The following SMG6 variants were observed in gnomAD, a reference collection of about 807,000 sequenced individuals.
SMG6 encodes the protein SMG6 nonsense mediated mRNA decay factor, also known as telomerase-binding protein EST1A.
Under a neutral mutation model 142.2 loss-of-function variants are expected in SMG6, and 66 were observed. The ratio of observed to expected loss-of-function variants is 0.46; its 90% CI spans 0.38 to 0.57. SMG6 has a LOEUF of 0.57. SMG6 is among the 20% of genes least tolerant of loss of function. SMG6 has a pLI of 0.00. For missense variants in SMG6, 1,793 were observed against 1,832.0 expected, an observed-to-expected ratio of 0.98 and a Z score of 0.39; for synonymous variants, 779 against 702.4, an observed-to-expected ratio of 1.11 and a Z score of -1.72.
Position 2,303,733 on chromosome 17 carries a change from T to C in SMG6, c.-13A>G, listed in dbSNP as rs758548173. On this transcript the variant is annotated 5_prime_UTR_variant, in exon 1 of 19. Transcript: ENST00000263073. ...GCCCTTCCGCCATCTTCGCGGCTGC[T>C]GCTACAGCCGTAGCGGCTCCGCCAC... The C allele has an allele frequency of 3.4e-6, 5 of 1,488,180 alleles. No individual in the cohort carries two copies. The South Asian group carries it at 6.3e-5, about 19-fold the overall frequency. 92.2% of individuals were successfully genotyped at this position (1,488,180 alleles called of 1,614,324 possible). A position where few individuals can be genotyped will look rare whatever the true frequency, so the allele number is the denominator to read the frequency against.
At chr17:2,211,537 G>A (rs1252039765) in intron 10 of SMG6, among the ~76,000 whole-genome samples, 2 of 151,902 alleles carry the variant, frequency 1.3e-5, no homozygotes, top group East Asian at 1.9e-4. Context: ...GGTGGTGGGC[G>A]CCTGTAGTCT....
rs535982876 is a variant in SMG6 at position 2,141,651 on chromosome 17, A to T, written c.3357+31007T>A. Among the ~76,000 whole-genome samples, 8 of 152,174 alleles carry T rather than the reference A, an allele frequency of 5.3e-5. 1 individual carries two copies. The South Asian group carries it at 8.3e-4, about 16-fold the overall frequency. ...CAGAGGCAGGGTCTTGCTATGTTGC[A>T]TGGCTGGTCTTGAACTCCTGGGCTC... On this transcript the variant is annotated intron_variant, in intron 13 of 18. Coordinates refer to ENST00000263073, the MANE Select transcript of SMG6 (RefSeq NM_017575.5).
At chr17:2,205,426 T>C (rs942987896) in intron 10 of SMG6, among the ~76,000 whole-genome samples, 5 of 152,176 alleles carry the variant, frequency 3.3e-5, no homozygotes, top group South Asian at 2.1e-4. Context: ...TTATATTTAC[T>C]CTTTTATACC....
intron 11 of SMG6, 45 bp downstream of exon 11, chr17:2,188,354 C>T: frequency 6.5e-7 from 1 of 1,546,408 alleles, no homozygotes; most frequent in Non-Finnish European, 8.9e-7. Flanking sequence ...TGGACAAGGC[C>T]AGGCAACTGG....
intron 1 of SMG6, 145 bp downstream of exon 1, chr17:2,303,488 G>A (rs1289768142): frequency 2.3e-6 from 3 of 1,329,016 alleles, no homozygotes; most frequent in African/African-American, 1.5e-5. Context: ...GTAGGGCAGC[G>A]AGGGTCCGCC....
At chr17:2,087,541 A>G in intron 13 of SMG6, 1 of 1,027,118 alleles carries the variant, frequency 9.7e-7, no homozygotes, top group Non-Finnish European at 1.2e-6. Flanking sequence ...AGGTTGATGT[A>G]GAAGGTTCTC....
At chr17:2,262,104 T>C (rs1396425696) in intron 8 of SMG6, among the ~76,000 whole-genome samples, 3 of 152,148 alleles carry the variant, frequency 2.0e-5, no homozygotes. Flanking sequence ...TGTAAATCCA[T>C]AGCGAGTATT....
At chr17:2,257,146 C>A (rs973814795) in intron 8 of SMG6, among the ~76,000 whole-genome samples, 51 of 149,088 alleles carry the variant, frequency 3.4e-4, no homozygotes, top group African/African-American at 1.2e-3. Flanking sequence ...AGTGCAGTGG[C>A]GTGATCTCGG....
Position 2,292,924 on chromosome 17 carries a change from A to C in SMG6, c.2205T>G (p.Ile735Met), listed in dbSNP as rs796109321. 1.9e-5 allele frequency: 31 copies of C among 1,614,096 alleles called. No homozygotes were observed. Among genetic ancestry groups the C allele is most frequent in the Non-Finnish European group, 2.5e-5 (30 of 1,180,038 alleles). ...AQRCMICQGD[I>M]ARYREQASDT... ...CACTGGCTTGCTCCCGGTACCTAGC[A>C]ATATCTCCTTGGCATATCATGCATC... Residue 735 changes from isoleucine (I) to methionine (M), a missense_variant, in exon 5 of 19, where the codon ATT becomes ATG. Coordinates refer to ENST00000263073, the MANE Select transcript of SMG6 (RefSeq NM_017575.5).
At chr17:2,278,862 T>C (rs1032848346) in intron 8 of SMG6, among the ~76,000 whole-genome samples, 1 of 152,084 alleles carries the variant, frequency 6.6e-6, no homozygotes, top group Non-Finnish European at 1.5e-5. Context: ...CAGCCAAACT[T>C]CAAAATATTT....
At chr17:2,108,797 A>C (rs1040885637) in intron 13 of SMG6, among the ~76,000 whole-genome samples, 1 of 152,076 alleles carries the variant, frequency 6.6e-6, no homozygotes, top group African/African-American at 2.4e-5. Context: ...TAAAAAAATT[A>C]GTCGCGCATG....
intron 13 of SMG6, among the ~76,000 whole-genome samples, chr17:2,109,656 T>C (rs1221335897): frequency 6.6e-6 from 1 of 152,218 alleles, no homozygotes; most frequent in Non-Finnish European, 1.5e-5. Context: ...TACTCTACTT[T>C]TGAAGAACAC....
At chr17:2,243,001 G>C (rs576908127) in intron 9 of SMG6, among the ~76,000 whole-genome samples, 1 of 152,298 alleles carries the variant, frequency 6.6e-6, no homozygotes, top group South Asian at 2.1e-4. Flanking sequence ...ACACAACAGT[G>C]AGGCAAAAAC....
chr17:2,087,016 T>C (rs564757688), intron 13 of SMG6: 65 of 1,289,420 alleles, frequency 5.0e-5, no homozygotes, highest in Admixed American at 4.6e-4. Flanking sequence ...CGTTTCTTAG[T>C]GTGAAAGGAA....
At chr17:2,132,838 G>A (rs72815336) in intron 13 of SMG6, among the ~76,000 whole-genome samples, 4,404 of 152,206 alleles carry the variant, frequency 0.029, 121 homozygotes, top group Non-Finnish European at 0.039. Context: ...TGTCACTCAG[G>A]GTGGTGGGAA....
intron 13 of SMG6, among the ~76,000 whole-genome samples, chr17:2,117,438 T>C (rs934294363): frequency 2.0e-5 from 3 of 152,206 alleles, no homozygotes; most frequent in African/African-American, 7.2e-5. Flanking sequence ...GATTAAATTC[T>C]AATAAAAATG....
At chr17:2,080,549 T>G (rs2068388837) in intron 15 of SMG6, among the ~76,000 whole-genome samples, 1 of 152,380 alleles carries the variant, frequency 6.6e-6, no homozygotes, top group African/African-American at 2.4e-5. Flanking sequence ...CTAAGTGCCA[T>G]GCACTATGCT....
At chr17:2,220,269 T>G (rs1187575512) in intron 10 of SMG6, among the ~76,000 whole-genome samples, 3 of 152,198 alleles carry the variant, frequency 2.0e-5, no homozygotes, top group Non-Finnish European at 2.9e-5. Flanking sequence ...ATTACAGCTT[T>G]ATTTATAATA....
intron 10 of SMG6, among the ~76,000 whole-genome samples, chr17:2,188,770 G>A (rs11078856): frequency 0.37 from 56,304 of 152,052 alleles, 11,054 homozygotes; most frequent in African/African-American, 0.5. Context: ...GGTTACCTCA[G>A]GAAGGGCAGT....
Sources: gnomAD v4.1 joint callset for allele counts (sites outside exome capture counted in the v4.1 genomes callset) on GRCh38, gnomAD v4.1.1 for gene constraint, MANE v1.5 for transcripts, NCBI Gene and HGNC (gene_info 2026-07-23, HGNC 2026-07-21) for gene names.